Variants in OPRM1 observed in about 807,000 individuals in gnomAD.
The protein encoded by OPRM1 is opioid receptor mu 1.
In OPRM1, 27 loss-of-function variants were observed where a neutral mutation model predicts 31.8. That is an observed-to-expected ratio of 0.85 (90% confidence interval 0.63 to 1.17). OPRM1 has a LOEUF of 1.17. Among genes scored for constraint, OPRM1 ranks in the 50% most tolerant of loss-of-function variants. The probability of loss-of-function intolerance (pLI) is 0.00; values close to 1 mark genes in which losing one functional copy is unlikely to be tolerated. For missense variants in OPRM1, 536 were observed against 511.1 expected, an observed-to-expected ratio of 1.05 and a Z score of -0.47; for synonymous variants, 196 against 189.9, an observed-to-expected ratio of 1.03 and a Z score of -0.26.
chr6:154,230,318 G>A (rs1248719754), intron 3 of OPRM1, among the ~76,000 whole-genome samples: 1 of 152,156 alleles, frequency 6.6e-6, no homozygotes, highest in Non-Finnish European at 1.5e-5. Flanking sequence ...ACATGAGTAT[G>A]GGCGGGGATC....
intron 1 of OPRM1, among the ~76,000 whole-genome samples, chr6:154,041,427 T>C (rs953311608): frequency 2.6e-5 from 4 of 152,198 alleles, no homozygotes; most frequent in East Asian, 1.9e-4. Context: ...AAAGTTATAA[T>C]TAAAGGCCTG....
At chr6:154,172,800 G>A (rs972042162) in intron 3 of OPRM1, among the ~76,000 whole-genome samples, 20 of 152,382 alleles carry the variant, frequency 1.3e-4, no homozygotes, top group African/African-American at 4.6e-4. Context: ...GCTCTGAAGA[G>A]AGCAGTGGTT....
At position 154,123,766 on chromosome 6, in the gene OPRM1, G is replaced by T. The variant is rs115751116; in HGVS notation, c.*5045G>T. Among the ~76,000 whole-genome samples the T allele has an allele frequency of 0.017, 2,521 of 152,232 alleles. 64 individuals carry two copies. Among genetic ancestry groups the T allele is most frequent in the African/African-American group, 0.059 (2,432 of 41,532 alleles). On this transcript the variant is annotated 3_prime_UTR_variant, in exon 4 of 4. Coordinates refer to ENST00000330432, the MANE Select transcript of OPRM1 (RefSeq NM_000914.5). ...GGCATTTGTAAACTGTCGTGGTACT[G>T]GTGGGAATGTTTTTTAGCATGCTAA...
chr6:154,142,988 G>A (rs533172579), intron 3 of OPRM1, among the ~76,000 whole-genome samples: 25 of 152,102 alleles, frequency 1.6e-4, no homozygotes, highest in African/African-American at 5.5e-4. Flanking sequence ...ATTCTTCCAG[G>A]TTCCATACCA....
intron 1 of OPRM1, among the ~76,000 whole-genome samples, chr6:154,069,321 C>T (rs984549976): frequency 6.6e-6 from 1 of 152,140 alleles, no homozygotes; most frequent in Non-Finnish European, 1.5e-5. Context: ...TTACTGCAAC[C>T]TCCACCTCCC....
chr6:154,219,056 G>C (rs1006440340), intron 3 of OPRM1: 3 of 152,136 alleles, frequency 2.0e-5, no homozygotes, highest in Non-Finnish European at 4.4e-5. Context: ...CATTAGATAG[G>C]TTTCTGCAAA....
rs1450276885 is a variant in OPRM1 at position 154,060,364 on chromosome 6, C to T, written c.290+20530C>T. On this transcript the variant is annotated intron_variant, in intron 1 of 3. Transcript: ENST00000330432. ...GACCAAAAGAACCAAAAGTACCCAG[C>T]AAAGTAGTGGAAACTCCCACATTTT... 2.0e-5 allele frequency among the ~76,000 whole-genome samples: 3 copies of T among 152,122 alleles called. No homozygotes were observed. In the East Asian group the frequency reaches 5.8e-4, roughly 29 times the overall value.
At chr6:154,038,326 G>GAA (rs199771957), upstream of OPRM1, among the ~76,000 whole-genome samples, 1 of 149,562 alleles carries the variant, frequency 6.7e-6, no homozygotes, top group Admixed American at 6.6e-5. Context: ...GTTAACTTTA[G>GAA]AAAAAAAAAG....
In OPRM1 at chr6:154,140,544, G is replaced by GAA. The variant is rs1583649744; in HGVS notation, c.1164+49072_1164+49073insAA. 5.3e-5 allele frequency among the ~76,000 whole-genome samples: 8 copies of GAA among 152,154 alleles called. No homozygotes were observed. In the East Asian group the frequency reaches 1.5e-3, roughly 29 times the overall value. ...AGGGTTTCGCCATGTTGGCCAGGCT[G>GAA]GTCTCAAATTCCTGACTTCAGGTGA... is the stretch of plus-strand genomic sequence containing the variant. On this transcript the variant is annotated intron_variant, in intron 3 of 3. Transcript: ENST00000337049.
At chr6:154,102,797 T>C (rs866157742) in intron 3 of OPRM1, among the ~76,000 whole-genome samples, 1 of 152,170 alleles carries the variant, frequency 6.6e-6, no homozygotes, top group Middle Eastern at 3.4e-3. Flanking sequence ...CAATTAGTTG[T>C]GATGTTTTTA....
chr6:154,054,439 T>A (rs1052178453), intron 1 of OPRM1, among the ~76,000 whole-genome samples: 1 of 150,694 alleles, frequency 6.6e-6, no homozygotes, highest in African/African-American at 2.4e-5. Flanking sequence ...GGGCAGCTCC[T>A]GGGCATAAGT....
chr6:154,153,529 C>T (rs919617352), intron 3 of OPRM1, among the ~76,000 whole-genome samples: 3 of 152,022 alleles, frequency 2.0e-5, no homozygotes, highest in African/African-American at 7.2e-5. Flanking sequence ...ACTGAAAATA[C>T]GAAAAATTAG....
chr6:154,148,866 A>G (rs1050450471), intron 3 of OPRM1, among the ~76,000 whole-genome samples: 1 of 152,210 alleles, frequency 6.6e-6, no homozygotes, highest in African/African-American at 2.4e-5. Context: ...CAGTGAGAAC[A>G]TGGGTCATCT....
chr6:154,215,105 A>T (rs1778281024), intron 3 of OPRM1, among the ~76,000 whole-genome samples: 1 of 152,178 alleles, frequency 6.6e-6, no homozygotes, highest in African/African-American at 2.4e-5. Context: ...AATCCGTGCT[A>T]CACGTTTATC....
intron 3 of OPRM1, among the ~76,000 whole-genome samples, chr6:154,208,785 G>A (rs920657346): frequency 5.9e-5 from 9 of 152,076 alleles, no homozygotes; most frequent in African/African-American, 1.9e-4. Context: ...ATAGAAAGTT[G>A]GTTCTTTTTG....
intron 3 of OPRM1, among the ~76,000 whole-genome samples, chr6:154,153,975 T>C (rs961475611): frequency 1.3e-5 from 2 of 152,246 alleles, no homozygotes; most frequent in African/African-American, 4.8e-5. Context: ...AAACGCATGG[T>C]GCCTATACCT....
chr6:154,015,625 G>A (rs1777961417), intron 1 of OPRM1, among the ~76,000 whole-genome samples: 1 of 151,862 alleles, frequency 6.6e-6, no homozygotes, highest in African/African-American at 2.4e-5. Flanking sequence ...TCGAAGTCCA[G>A]AAGTAATACA....
Position 154,129,305 on chromosome 6 carries a change from A to G in OPRM1, c.*10584A>G, listed in dbSNP as rs571557058. On this transcript the variant is annotated 3_prime_UTR_variant, in exon 4 of 4. Transcript: ENST00000330432. ...AGAACAGAACAATGTTCTTCTATAC[A>G]ATGTAAGGAATCTATGAATAACATC... is the stretch of plus-strand genomic sequence containing the variant. Among the ~76,000 whole-genome samples the G allele has an allele frequency of 6.6e-6, 1 of 152,348 alleles. No homozygotes were observed. The highest frequency in any genetic ancestry group is 1.5e-5 in the Non-Finnish European group (1 of 68,028).
At chr6:154,032,198 A>AT (rs1170319289) in intron 1 of OPRM1, among the ~76,000 whole-genome samples, 2 of 152,150 alleles carry the variant, frequency 1.3e-5, no homozygotes, top group African/African-American at 4.8e-5. Context: ...GCAGTCTATG[A>AT]TTTTCTTTAA....
Sources: gnomAD v4.1 joint callset for allele counts (sites outside exome capture counted in the v4.1 genomes callset) on GRCh38, gnomAD v4.1.1 for gene constraint, MANE v1.5 for transcripts, NCBI Gene and HGNC (gene_info 2026-07-23, HGNC 2026-07-21) for gene names.